The following CCDC148 variants were observed in gnomAD, a reference collection of about 807,000 sequenced individuals.
CCDC148 encodes coiled-coil domain-containing protein 148.
Under a neutral mutation model 85.7 loss-of-function variants are expected in CCDC148, and 89 were observed. The observed-to-expected ratio is 1.04, with a 90% CI of 0.87 to 1.24. The LOEUF (loss-of-function observed/expected upper bound fraction) is 1.24. CCDC148 is among the 50% of genes most tolerant of loss of function. The pLI is 0.00. For synonymous variants in CCDC148, 230 were observed against 213.9 expected, an observed-to-expected ratio of 1.08 and a Z score of -0.66; for missense variants, 692 against 671.7, an observed-to-expected ratio of 1.03 and a Z score of -0.33.
At chr2:158,188,013 C>G (rs16842719) in intron 11 of CCDC148, among the ~76,000 whole-genome samples, 8,401 of 151,968 alleles carry the variant, frequency 0.055, 782 homozygotes, top group African/African-American at 0.19. Context: ...AGTTAGGAAC[C>G]AACCTGATGA....
intron 1 of CCDC148, among the ~76,000 whole-genome samples, chr2:158,422,676 G>A (rs1416229514): frequency 6.6e-6 from 1 of 152,124 alleles, no homozygotes; most frequent in African/African-American, 2.4e-5. Flanking sequence ...ACTGGCACAA[G>A]GCAGGGATGC....
In CCDC148 at chr2:158,433,277, T is replaced by TATATATATAA. The variant is rs1486048925; in HGVS notation, c.25+23137_25+23138insTTATATATAT. ...CTTGACTCAAATATATATATATATA[T>TATATATATAA]AAAACAAAAGCACAAATAAAAGAAA... On this transcript the variant is annotated intron_variant, in intron 1 of 13. Coordinates refer to ENST00000283233, the MANE Select transcript of CCDC148 (RefSeq NM_138803.4). Among the ~76,000 whole-genome samples, 1,196 of 120,114 alleles carry TATATATATAA rather than the reference T, an allele frequency of 1.0e-2. 41 individuals are homozygous for TATATATATAA. Among genetic ancestry groups the TATATATATAA allele is most frequent in the Middle Eastern group, 0.06 (13 of 216 alleles). The allele number at this position is 120,114 out of a possible 152,430, so 78.8% of individuals were successfully genotyped here. A position where few individuals can be genotyped will look rare whatever the true frequency, so the allele number is the denominator to read the frequency against.
At chr2:158,443,194 T>C (rs1364394481) in intron 1 of CCDC148, among the ~76,000 whole-genome samples, 1 of 151,552 alleles carries the variant, frequency 6.6e-6, no homozygotes, top group Non-Finnish European at 1.5e-5. Flanking sequence ...AAAAAGTCAC[T>C]CAGGCACAGT....
At chr2:158,333,890 T>A (rs1183758082) in intron 7 of CCDC148, among the ~76,000 whole-genome samples, 1 of 152,132 alleles carries the variant, frequency 6.6e-6, no homozygotes, top group Non-Finnish European at 1.5e-5. Flanking sequence ...TCTCTTTCAA[T>A]ATTGATCTGC....
intron 9 of CCDC148, 50 bp downstream of exon 9, chr2:158,309,383 G>T: frequency 1.4e-6 from 2 of 1,460,542 alleles, no homozygotes; most frequent in South Asian, 1.2e-5. Flanking sequence ...AGGGAAAAAT[G>T]GATTCTTAAA....
chr2:158,417,476 C>A (rs1032569331), intron 1 of CCDC148, among the ~76,000 whole-genome samples: 1 of 152,208 alleles, frequency 6.6e-6, no homozygotes, highest in Non-Finnish European at 1.5e-5. Context: ...GGTAATGGTG[C>A]TTGTACCTTT....
intron 7 of CCDC148, 114 bp from the exon 8 acceptor site, chr2:158,314,008 G>T: frequency 1.9e-6 from 2 of 1,032,822 alleles, no homozygotes; most frequent in South Asian, 3.8e-5. Context: ...AGGTTTCTGT[G>T]TATTTTAAAT....
chr2:158,222,870 G>C (rs1687262826), intron 10 of CCDC148, among the ~76,000 whole-genome samples: 1 of 152,188 alleles, frequency 6.6e-6, no homozygotes, highest in South Asian at 2.1e-4. Flanking sequence ...AACAGCTCCA[G>C]TCTACAGCTC....
intron 1 of CCDC148, among the ~76,000 whole-genome samples, chr2:158,382,396 T>C (rs534963474): frequency 1.3e-5 from 2 of 152,284 alleles, no homozygotes; most frequent in African/African-American, 2.4e-5. Flanking sequence ...TATTCATTAA[T>C]ACTAGTGCCG....
intron 1 of CCDC148, among the ~76,000 whole-genome samples, chr2:158,406,545 T>C (rs1686005671): frequency 6.6e-6 from 1 of 151,350 alleles, no homozygotes; most frequent in South Asian, 2.1e-4. Flanking sequence ...GTAGTACATA[T>C]ACACTTTCGG....
chr2:158,337,542 A>G (rs1460662820), intron 7 of CCDC148, among the ~76,000 whole-genome samples: 1 of 152,152 alleles, frequency 6.6e-6, no homozygotes, highest in African/African-American at 2.4e-5. Flanking sequence ...TAATTAATCA[A>G]TCATCAAGTG....
chr2:158,289,520 A>G (rs774038473), intron 9 of CCDC148, among the ~76,000 whole-genome samples: 2 of 152,238 alleles, frequency 1.3e-5, no homozygotes, highest in African/African-American at 4.8e-5. Context: ...AGTTAAAACT[A>G]CAATGAAATA....
chr2:158,219,589 G>A (rs991888474), intron 11 of CCDC148, among the ~76,000 whole-genome samples: 1 of 152,170 alleles, frequency 6.6e-6, no homozygotes. Flanking sequence ...AGTTCCAATG[G>A]CACACCCATG....
intron 9 of CCDC148, among the ~76,000 whole-genome samples, chr2:158,273,377 T>C (rs1689784331): frequency 6.6e-6 from 1 of 152,226 alleles, no homozygotes. Flanking sequence ...ATCATATTTA[T>C]ATTTGTGTAA....
chr2:158,285,507 T>C (rs1253720499), intron 9 of CCDC148, among the ~76,000 whole-genome samples: 7 of 151,580 alleles, frequency 4.6e-5, no homozygotes, highest in East Asian at 3.9e-4. Context: ...CATATACTTC[T>C]AGCAAACTAA....
intron 1 of CCDC148, among the ~76,000 whole-genome samples, chr2:158,418,105 T>G (rs1686589153): frequency 6.6e-6 from 1 of 152,034 alleles, no homozygotes; most frequent in South Asian, 2.1e-4. Context: ...AGTGTTTTTT[T>G]TTTTAGTTTT....
At chr2:158,407,878 G>C (rs1382505725) in intron 1 of CCDC148, among the ~76,000 whole-genome samples, 1 of 152,118 alleles carries the variant, frequency 6.6e-6, no homozygotes. Context: ...TATTGAAGGA[G>C]AGTCAGTTAC....
chr2:158,439,140 G>C (rs1687813007), intron 1 of CCDC148, among the ~76,000 whole-genome samples: 1 of 152,118 alleles, frequency 6.6e-6, no homozygotes, highest in Admixed American at 6.5e-5. Flanking sequence ...ATACCCAAAG[G>C]TTCATAAATC....
intron 1 of CCDC148, among the ~76,000 whole-genome samples, chr2:158,420,848 G>A (rs577519462): frequency 7.9e-5 from 12 of 151,992 alleles, no homozygotes; most frequent in South Asian, 2.1e-4. Flanking sequence ...CCCATCTCAC[G>A]TGCACAGACA....
Sources: allele counts gnomAD v4.1 joint callset (sites outside exome capture counted in the v4.1 genomes callset), GRCh38; gene constraint gnomAD v4.1.1; transcripts MANE v1.5; gene names NCBI Gene and HGNC (gene_info 2026-07-23, HGNC 2026-07-21).